SLC27A1: variants seen among roughly 807,000 people sequenced by gnomAD.
SLC27A1 encodes the protein solute carrier family 27 member 1, also known as long-chain fatty acid transport protein 1.
A neutral mutation model predicts 62.2 loss-of-function variants in SLC27A1; 61 were observed. The ratio of observed to expected loss-of-function variants is 0.98; its 90% CI spans 0.80 to 1.21. SLC27A1 has a LOEUF of 1.21. Among genes scored for constraint, SLC27A1 ranks in the 50% most tolerant of loss-of-function variants. The pLI is 0.00. For missense variants in SLC27A1, 903 were observed against 932.1 expected, an observed-to-expected ratio of 0.97 and a Z score of 0.41; for synonymous variants, 435 against 408.6, an observed-to-expected ratio of 1.06 and a Z score of -0.78.
chr19:17,487,182 GA>G lies in SLC27A1; in HGVS notation c.573del (p.Val192Ter). 6.2e-7 allele frequency: 1 copy of G among 1,614,082 alleles called. No individual in the cohort carries two copies. Among genetic ancestry groups the G allele is most frequent in the Non-Finnish European group, 8.5e-7 (1 of 1,179,994 alleles). On this transcript the variant is annotated frameshift_variant, in exon 3 of 12. Coordinates refer to ENST00000252595, the MANE Select transcript of SLC27A1 (RefSeq NM_198580.3). LOFTEE classifies it high-confidence loss of function. Reference sequence around the variant, plus strand: ...TGTGTTGGGGACCACAGCGGTGGCCGAAGTGAGCGGGCATCTGGGGAAAAGT... The same window carrying G: ...TGTGTTGGGGACCACAGCGGTGGCCGAGTGAGCGGGCATCTGGGGAAAAGT... ...FGGEMVAAVAEVSGHLGKSLI... is the reference protein window; with the variant it reads ...FGGEMVAAVAXVSGHLGKSLI...
intron 2 of SLC27A1, 48 bp downstream of exon 2, chr19:17,487,005 C>A (rs749107142): frequency 6.5e-7 from 1 of 1,538,764 alleles, no homozygotes; most frequent in South Asian, 1.2e-5. Context: ...AGGACTGGCC[C>A]CTGGGCGGGC....
At chr19:17,473,722 C>T (rs1214958127) in intron 1 of SLC27A1, among the ~76,000 whole-genome samples, 1 of 152,048 alleles carries the variant, frequency 6.6e-6, no homozygotes, top group Admixed American at 6.6e-5. Flanking sequence ...ATTAGCCGGG[C>T]GTGGTGGTGC....
chr19:17,482,509 G>T (rs2075188450), intron 1 of SLC27A1, among the ~76,000 whole-genome samples: 1 of 152,024 alleles, frequency 6.6e-6, no homozygotes, highest in Non-Finnish European at 1.5e-5. Context: ...AAATTAGCTG[G>T]GCGTGGTAGC....
At chr19:17,499,945 C>T (rs868648510) in intron 7 of SLC27A1, 115 of 297,888 alleles carry the variant, frequency 3.9e-4, no homozygotes, top group African/African-American at 2.3e-3. Flanking sequence ...AGCAGGGCGG[C>T]GGGCAGCAGG....
chr19:17,487,302 C>A lies in SLC27A1; in HGVS notation c.691C>A (p.Pro231Thr), dbSNP rs2075244974. 6.2e-7 allele frequency: 1 copy of A among 1,612,894 alleles called. No homozygotes were observed. Among genetic ancestry groups the A allele is most frequent in the Non-Finnish European group, 8.5e-7 (1 of 1,179,664 alleles). Reference sequence around the variant, plus strand: ...GCTGCTGAAGGAGGCCTCTACTGCCCCCTTGGCACAGATCCCCAGCAAGGG... The same window carrying A: ...GCTGCTGAAGGAGGCCTCTACTGCCACCTTGGCACAGATCCCCAGCAAGGG... Reference protein sequence around the residue: ...DPLLKEASTAPLAQIPSKGMD... With the variant: ...DPLLKEASTATLAQIPSKGMD... Residue 231 changes from proline to threonine, a missense_variant, in exon 3 of 12, where the codon CCC (proline) becomes ACC (threonine). Transcript: ENST00000252595.
In SLC27A1 at chr19:17,496,872, G is replaced by A. The variant is rs145214661; in HGVS notation, c.997-383G>A. 67 of 175,852 alleles carry A rather than the reference G, an allele frequency of 3.8e-4. 1 individual carries two copies. Among genetic ancestry groups the A allele is most frequent in the African/African-American group, 1.6e-3 (67 of 41,892 alleles). The allele number at this position is 175,852 out of a possible 1,614,324, so 10.9% of individuals were successfully genotyped here. On this transcript the variant is annotated intron_variant, in intron 6 of 11. Transcript: ENST00000252595. Reference sequence around the variant, plus strand: ...TCAAGACCAGCCTGGGCAACAGAGCGAGATCCCCCATCTCTACAAAAAAAT... The same window carrying A: ...TCAAGACCAGCCTGGGCAACAGAGCAAGATCCCCCATCTCTACAAAAAAAT...
intron 1 of SLC27A1, chr19:17,484,258 T>TA (rs2075207124): frequency 1.3e-5 from 2 of 151,692 alleles, no homozygotes; most frequent in African/African-American, 4.9e-5. Flanking sequence ...AGGTAATAAA[T>TA]GAACAAAGGA....
chr19:17,502,335 G>GTTTTTTTTTTTTTT lies in SLC27A1; in HGVS notation c.1783+924_1783+925insTTTTTTTTTTTTTT, dbSNP rs1175394305. Among the ~76,000 whole-genome samples the GTTTTTTTTTTTTTT allele has an allele frequency of 9.4e-4, 71 of 75,898 alleles. 17 individuals are homozygous for GTTTTTTTTTTTTTT. The highest frequency in any genetic ancestry group is 1.4e-3 in the Non-Finnish European group (56 of 40,074). 49.8% of individuals were successfully genotyped at this position (75,898 alleles called of 152,430 possible). On this transcript the variant is annotated intron_variant, in intron 11 of 11. Coordinates refer to ENST00000252595, the MANE Select transcript of SLC27A1 (RefSeq NM_198580.3). ...CTGCCACTAAGCATTCTGAAATAGTGTTTTTTTTGTTTTTTTTTTTTTTTT... is the reference window on the plus strand; with the variant it reads ...CTGCCACTAAGCATTCTGAAATAGTGTTTTTTTTTTTTTTTTTTTTTTGTTTTTTTTTTTTTTTT...
At chr19:17,493,517 TG>T (rs1173871026) in intron 6 of SLC27A1, among the ~76,000 whole-genome samples, 3 of 152,040 alleles carry the variant, frequency 2.0e-5, no homozygotes, top group Admixed American at 6.6e-5. Context: ...TACATTTATT[TG>T]GGTTCAGAAA....
In SLC27A1 at chr19:17,486,884, G is replaced by A; in HGVS notation, c.489G>A (p.Arg163=). 1 of 1,587,382 alleles carries A rather than the reference G, an allele frequency of 6.3e-7. No homozygotes were observed. Among genetic ancestry groups the A allele is most frequent in the Non-Finnish European group, 8.5e-7 (1 of 1,174,234 alleles). ...CCGCGCTGCTCAACGTGAACCTGCG[G>A]CGCGAGCCCCTGGCCTTCTGCCTGG... ...MEAALLNVNL[R]REPLAFCLGT... The change falls in exon 2 of 12, where the codon CGG becomes CGA. Residue 163 remains arginine, a synonymous_variant. Transcript: ENST00000252595. This position sits in a 1 kb window ranked among gnomAD's most constrained non-coding sequence, Gnocchi z 6.6.
rs1278386761 is a variant in SLC27A1 at position 17,505,416 on chromosome 19, C to T, written c.*804C>T. On this transcript the variant is annotated 3_prime_UTR_variant, in exon 12 of 12. Coordinates refer to ENST00000252595, the MANE Select transcript of SLC27A1 (RefSeq NM_198580.3). Reference sequence around the variant, plus strand: ...CAGATGCTGCAGCTCCATGTGACTTCCAAGCAGGCCCTCCGCCCTCCCTGC... The same window carrying T: ...CAGATGCTGCAGCTCCATGTGACTTTCAAGCAGGCCCTCCGCCCTCCCTGC... 1 of 155,672 alleles carries T rather than the reference C, an allele frequency of 6.4e-6. No individual in the cohort carries two copies. The highest frequency in any genetic ancestry group is 1.4e-5 in the Non-Finnish European group (1 of 70,038). The allele number at this position is 155,672 out of a possible 1,614,324, so 9.6% of individuals were successfully genotyped here.
rs2075398260 is a variant in SLC27A1 at position 17,500,483 on chromosome 19, C to T, written c.1334-12C>T. 6.2e-7 allele frequency: 1 copy of T among 1,613,216 alleles called. No individual in the cohort carries two copies. The highest frequency in any genetic ancestry group is 1.3e-5 in the African/African-American group (1 of 75,058). On this transcript the variant is annotated splice_polypyrimidine_tract_variant and intron_variant, in intron 8 of 11. Coordinates refer to ENST00000252595, the MANE Select transcript of SLC27A1 (RefSeq NM_198580.3). The stretch of plus-strand genomic sequence containing the variant: ...CCTGCCTAGCGCAGCCTGAACATGG[C>T]CTTCTCCCTAGGGGAGCCTGGCCTC...
At chr19:17,500,135 C>CT (rs2075393288) in intron 7 of SLC27A1, 143 bp from the exon 8 acceptor site, 1 of 1,367,038 alleles carries the variant, frequency 7.3e-7, no homozygotes, top group Admixed American at 2.4e-5. Flanking sequence ...TACTACCCTG[C>CT]TTTTGCAGAT....
At chr19:17,497,558 G>A in intron 7 of SLC27A1, 94 bp downstream of exon 7, 1 of 1,173,582 alleles carries the variant, frequency 8.5e-7, no homozygotes, top group African/African-American at 1.5e-5. Context: ...AAAACAGCCT[G>A]GACTGGCGCG....
chr19:17,488,974 G>C, intron 5 of SLC27A1, 34 bp from the exon 6 acceptor site: 1 of 1,613,898 alleles, frequency 6.2e-7, no homozygotes, highest in Non-Finnish European at 8.5e-7. Context: ...GTGGGTGGGG[G>C]CGGGGGACCC....
intron 11 of SLC27A1, among the ~76,000 whole-genome samples, chr19:17,501,715 A>C (rs887722322): frequency 3.4e-5 from 5 of 149,086 alleles, no homozygotes; most frequent in African/African-American, 1.2e-4. Flanking sequence ...AGGCAGGAGA[A>C]TGGCATGAAC....
At chr19:17,499,580 T>C (rs1445633910) in intron 7 of SLC27A1, among the ~76,000 whole-genome samples, 2 of 149,880 alleles carry the variant, frequency 1.3e-5, no homozygotes, top group East Asian at 3.9e-4. Flanking sequence ...CTGAGGTGGG[T>C]GGATCACTTG....
At chr19:17,475,875 T>A (rs2075117181) in intron 1 of SLC27A1, among the ~76,000 whole-genome samples, 1 of 152,154 alleles carries the variant, frequency 6.6e-6, no homozygotes, top group African/African-American at 2.4e-5. Context: ...CTTGAGCAGC[T>A]GCCAGGCAGG....
chr19:17,497,127 C>A, intron 6 of SLC27A1, 128 bp from the exon 7 acceptor site: 1 of 650,668 alleles, frequency 1.5e-6, no homozygotes, highest in Non-Finnish European at 2.6e-6. Context: ...CTGCAGCCAT[C>A]ATCATCCTTA....
Sources: allele counts gnomAD v4.1 joint callset (sites outside exome capture counted in the v4.1 genomes callset), GRCh38; gene constraint gnomAD v4.1.1; non-coding constraint Gnocchi (gnomAD v3.1); transcripts MANE v1.5; gene names NCBI Gene and HGNC (gene_info 2026-07-23, HGNC 2026-07-21).